LRAT: variants seen among roughly 807,000 people sequenced by gnomAD.
LRAT encodes lecithin retinol acyltransferase.
LRAT carries 11 observed loss-of-function variants against 14.2 expected under a neutral mutation model. That is an observed-to-expected ratio of 0.78 (90% CI 0.49 to 1.29). The LOEUF is 1.29. Ranked by LOEUF, LRAT falls within the 50% of genes most tolerant of loss-of-function variation. The probability of loss-of-function intolerance (pLI) is 0.00; values close to 1 mark genes in which losing one functional copy is unlikely to be tolerated. For missense variants in LRAT, 274 were observed against 292.4 expected (o/e 0.94, Z 0.46); for synonymous variants, 144 against 124.8 (o/e 1.15, Z -1.03).
chr4:154,748,321 T>A (rs1341190477), intron 2 of LRAT: 1 of 978,632 alleles, frequency 1.0e-6, no homozygotes, highest in Admixed American at 6.1e-5. Context: ...ACATAGGCCA[T>A]CATTTCTAAG....
At chr4:154,741,242 A>T (rs1316309826), upstream of LRAT, among the ~76,000 whole-genome samples, 1 of 152,124 alleles carries the variant, frequency 6.6e-6, no homozygotes, top group African/African-American at 2.4e-5. Flanking sequence ...AGCTCATTCC[A>T]CGCTATATTT....
In LRAT at chr4:154,749,289, G is replaced by C; in HGVS notation, c.*153G>C. 1.2e-6 allele frequency: 1 copy of C among 832,098 alleles called. No homozygotes were observed. The highest frequency in any genetic ancestry group is 2.0e-6 in the Non-Finnish European group (1 of 504,218). 51.5% of individuals were successfully genotyped at this position (832,098 alleles called of 1,614,324 possible). On this transcript the variant is annotated 3_prime_UTR_variant, in exon 3 of 3. Coordinates refer to ENST00000336356, the MANE Select transcript of LRAT (RefSeq NM_004744.5). ...TTAGGAATCACGCAAAGTGCTTACT[G>C]TGTAAGCCCAAGAACAAAGGCTTTC...
upstream of LRAT, among the ~76,000 whole-genome samples, chr4:154,742,785 C>T (rs73855216): frequency 0.13 from 19,273 of 152,072 alleles, 1,612 homozygotes; most frequent in Admixed American, 0.27. Context: ...TGCAGGCGCA[C>T]GGGCAAAGAA....
chr4:154,748,157 A>G, intron 2 of LRAT: 1 of 878,708 alleles, frequency 1.1e-6, no homozygotes, highest in Non-Finnish European at 1.4e-6. Flanking sequence ...GAGTACTAAT[A>G]ATAATCACTG....
upstream of LRAT, among the ~76,000 whole-genome samples, chr4:154,742,762 A>C (rs1732791413): frequency 6.6e-6 from 1 of 152,158 alleles, no homozygotes; most frequent in Non-Finnish European, 1.5e-5. Context: ...TCGAGGAGGC[A>C]TTGGAGTCGG....
At chr4:154,743,170 A>G (rs945845940), upstream of LRAT, among the ~76,000 whole-genome samples, 3 of 127,974 alleles carry the variant, frequency 2.3e-5, no homozygotes, top group African/African-American at 5.8e-5. Flanking sequence ...GCCGGCTGAA[A>G]GCATGGAGGA....
At chr4:154,746,691 T>C (rs1732890088) in intron 2 of LRAT, among the ~76,000 whole-genome samples, 1 of 152,222 alleles carries the variant, frequency 6.6e-6, no homozygotes, top group African/African-American at 2.4e-5. Context: ...CATATAGCGC[T>C]GCATTATATA....
rs763149722 is a variant in LRAT, at chr4:154,749,217, T to C, written c.*81T>C. ...AGAGCATCAATCAATATAAGCATTA[T>C]TGAGAAAAATGTGACCCGTAACACT... On this transcript the variant is annotated 3_prime_UTR_variant, in exon 3 of 3. Coordinates refer to ENST00000336356, the MANE Select transcript of LRAT (RefSeq NM_004744.5). The C allele has an allele frequency of 9.9e-5, 144 of 1,460,832 alleles. No individual in the cohort carries two copies. The Middle Eastern group carries it at 1.2e-3, about 12-fold the overall frequency. The allele number at this position is 1,460,832 out of a possible 1,614,324, so 90.5% of individuals were successfully genotyped here. A position where few individuals can be genotyped will look rare whatever the true frequency, so the allele number is the denominator to read the frequency against.
chr4:154,742,603 C>A (rs1193883900), upstream of LRAT, among the ~76,000 whole-genome samples: 1 of 152,210 alleles, frequency 6.6e-6, no homozygotes, highest in African/African-American at 2.4e-5. Flanking sequence ...CCACCCGAGG[C>A]TCTCCATTGT....
chr4:154,750,951 C>T lies in LRAT; in HGVS notation c.*1815C>T, dbSNP rs2111040569. 6.6e-6 allele frequency: 1 copy of T among 152,272 alleles called. No individual in the cohort carries two copies. Among genetic ancestry groups the T allele is most frequent in the South Asian group, 2.1e-4 (1 of 4,820 alleles). 9.4% of individuals were successfully genotyped at this position (152,272 alleles called of 1,614,324 possible). A position where few individuals can be genotyped will look rare whatever the true frequency, so the allele number is the denominator to read the frequency against. ...CTAAATCTGTGTTCAAAGATGAAGA[C>T]CCCTCATTAAAAGCCAAGGACGTTC... On this transcript the variant is annotated 3_prime_UTR_variant, in exon 3 of 3. Transcript: ENST00000336356.
At chr4:154,747,528 T>C (rs1000439272) in intron 2 of LRAT, among the ~76,000 whole-genome samples, 6 of 152,162 alleles carry the variant, frequency 3.9e-5, no homozygotes, top group Non-Finnish European at 8.8e-5. Context: ...CCACTAAAGA[T>C]GCCTGCTGGT....
chr4:154,744,286 G>C, intron 1 of LRAT, 40 bp from the exon 2 acceptor site: 1 of 1,609,136 alleles, frequency 6.2e-7, no homozygotes, highest in Non-Finnish European at 8.5e-7. Context: ...CCCTGCCGGA[G>C]TGGCACCGGC....
Position 154,744,320 on chromosome 4 carries a change from C to A in LRAT, c.-1-6C>A. Reference sequence around the variant, plus strand: ...GCACCTCTCCAAGACGCCCTCTTCCCTGCAGGATGAAGAACCCCATGCTGG... The same window carrying A: ...GCACCTCTCCAAGACGCCCTCTTCCATGCAGGATGAAGAACCCCATGCTGG... On this transcript the variant is annotated splice_polypyrimidine_tract_variant and splice_region_variant and intron_variant, in intron 1 of 2. Transcript: ENST00000336356. The A allele has an allele frequency of 6.2e-7, 1 of 1,614,044 alleles. No homozygotes were observed.
At chr4:154,746,989 C>T (rs1372030493) in intron 2 of LRAT, among the ~76,000 whole-genome samples, 9 of 152,102 alleles carry the variant, frequency 5.9e-5, no homozygotes, top group African/African-American at 1.9e-4. Flanking sequence ...TGAACATGCA[C>T]TGAGAGAAGT....
At chr4:154,747,990 T>A (rs1459223619) in intron 2 of LRAT, among the ~76,000 whole-genome samples, 1 of 152,138 alleles carries the variant, frequency 6.6e-6, no homozygotes, top group Admixed American at 6.5e-5. Context: ...CCCAGTACCA[T>A]GTAAGCCACT....
Position 154,744,123 on chromosome 4 carries a change from T to G in LRAT, c.-101T>G. ...GGTTCCTTATCCGTCTCATTCCCCATTGTGGCTTGGCTGAGCCGGTCGCCA... is the reference window on the plus strand; with the variant it reads ...GGTTCCTTATCCGTCTCATTCCCCAGTGTGGCTTGGCTGAGCCGGTCGCCA... On this transcript the variant is annotated 5_prime_UTR_variant, in exon 1 of 3. Coordinates refer to ENST00000336356, the MANE Select transcript of LRAT (RefSeq NM_004744.5). 4 of 603,156 alleles carry G rather than the reference T, an allele frequency of 6.6e-6. No homozygotes were observed. Among genetic ancestry groups the G allele is most frequent in the Non-Finnish European group, 8.9e-6 (3 of 336,916 alleles). The allele number at this position is 603,156 out of a possible 1,614,324, so 37.4% of individuals were successfully genotyped here.
In LRAT at chr4:154,752,947, T is replaced by A. The variant is rs1445400894; in HGVS notation, c.*3811T>A. The A allele has an allele frequency of 2.0e-5, 3 of 152,194 alleles. No homozygotes were observed. The highest frequency in any genetic ancestry group is 7.2e-5 in the African/African-American group (3 of 41,446). 9.4% of individuals were successfully genotyped at this position (152,194 alleles called of 1,614,324 possible). A position where few individuals can be genotyped will look rare whatever the true frequency, so the allele number is the denominator to read the frequency against. On this transcript the variant is annotated 3_prime_UTR_variant, in exon 3 of 3. Transcript: ENST00000336356. ...ATATCAAAAATGTTTTCCAGCAATA[T>A]CAAGTTATGGCAATGGCAAAAGTCC... is the stretch of plus-strand genomic sequence containing the variant.
At chr4:154,744,292 C>T (rs766825145) in intron 1 of LRAT, 34 bp from the exon 2 acceptor site, 5 of 1,611,154 alleles carry the variant, frequency 3.1e-6, no homozygotes, top group Non-Finnish European at 4.2e-6. Context: ...CGGAGTGGCA[C>T]CGGCACCTCT....
chr4:154,749,289 G>A lies in LRAT; in HGVS notation c.*153G>A. 1 of 832,102 alleles carries A rather than the reference G, an allele frequency of 1.2e-6. No homozygotes were observed. Among genetic ancestry groups the A allele is most frequent in the Admixed American group, 2.0e-5 (1 of 50,936 alleles). 51.5% of individuals were successfully genotyped at this position (832,102 alleles called of 1,614,324 possible). On this transcript the variant is annotated 3_prime_UTR_variant, in exon 3 of 3. Coordinates refer to ENST00000336356, the MANE Select transcript of LRAT (RefSeq NM_004744.5). ...TTAGGAATCACGCAAAGTGCTTACT[G>A]TGTAAGCCCAAGAACAAAGGCTTTC...
Sources: gnomAD v4.1 joint callset for allele counts (sites outside exome capture counted in the v4.1 genomes callset) on GRCh38, gnomAD v4.1.1 for gene constraint, MANE v1.5 for transcripts, NCBI Gene and HGNC (gene_info 2026-07-23, HGNC 2026-07-21) for gene names.